The following ZNF536 variants were observed in gnomAD, a reference collection of about 807,000 sequenced individuals.
ZNF536 encodes zinc finger protein 536.
ZNF536 carries 13 observed loss-of-function variants against 84.5 expected under a neutral mutation model. The ratio of observed to expected loss-of-function variants is 0.15; its 90% confidence interval spans 0.10 to 0.24. ZNF536 has a LOEUF of 0.24. Among genes scored for constraint, ZNF536 ranks in the 10% least tolerant of loss-of-function variants. The probability of loss-of-function intolerance (pLI) is 1.00; values close to 1 mark genes in which losing one functional copy is unlikely to be tolerated. For missense variants in ZNF536, 1,536 were observed against 1,747.5 expected, an observed-to-expected ratio of 0.88 and a Z score of 2.16; for synonymous variants, 811 against 742.5, an observed-to-expected ratio of 1.09 and a Z score of -1.50.
chr19:30,537,905 A>G (rs1260150793), intron 3 of ZNF536, among the ~76,000 whole-genome samples: 6 of 152,254 alleles, frequency 3.9e-5, no homozygotes, highest in Admixed American at 3.9e-4. Flanking sequence ...TGTAAAAGGC[A>G]GAATGGTAAC....
At chr19:30,287,414 G>C (rs1311799483) in intron 2 of ZNF536, among the ~76,000 whole-genome samples, 1 of 151,564 alleles carries the variant, frequency 6.6e-6, no homozygotes, top group Non-Finnish European at 1.5e-5. Flanking sequence ...TGGATGGATG[G>C]ATAGATGAAT....
At chr19:30,294,720 C>G (rs191071997) in intron 2 of ZNF536, among the ~76,000 whole-genome samples, 2 of 152,140 alleles carry the variant, frequency 1.3e-5, no homozygotes, top group Non-Finnish European at 2.9e-5. Context: ...TGGAAGTTTG[C>G]GGAATTCTTA....
intron 1 of ZNF536, among the ~76,000 whole-genome samples, chr19:30,707,229 G>A (rs911037268): frequency 6.6e-6 from 1 of 152,164 alleles, no homozygotes. Flanking sequence ...ATTAAGGTAC[G>A]GAGAATGGGT....
At position 30,444,473 on chromosome 19, in the gene ZNF536, T is replaced by G; in HGVS notation, c.911T>G (p.Leu304Trp). The change falls in exon 2 of 5, where the codon TTG becomes TGG. Residue 304 changes from leucine to tryptophan, a missense_variant. Physicochemically the swap from Leu to Trp is moderately conservative, Grantham distance 61 (BLOSUM62 -2). Around this residue, in one of 8 missense-constraint regions of ZNF536, gnomAD observed 61 missense variants for 104.0 expected, o/e 0.59. Transcript: ENST00000355537. Reference sequence around the variant, plus strand: ...TTGCACAAGCCCTACAAGTGCACGTTGTGCGACTTCGCGGCTTCGCAGGAG... The same window carrying G: ...TTGCACAAGCCCTACAAGTGCACGTGGTGCGACTTCGCGGCTTCGCAGGAG... ...RILHKPYKCT[L>W]CDFAASQEEE... 1 of 1,610,958 alleles carries G rather than the reference T, an allele frequency of 6.2e-7. No homozygotes were observed. The highest frequency in any genetic ancestry group is 8.5e-7 in the Non-Finnish European group (1 of 1,179,882).
intron 1 of ZNF536, among the ~76,000 whole-genome samples, chr19:30,437,041 G>T (rs1301344740): frequency 6.6e-6 from 1 of 152,136 alleles, no homozygotes; most frequent in East Asian, 1.9e-4. Context: ...CAGTGCAAAT[G>T]GTTATTTTGA....
chr19:30,448,648 A>T (rs535463579), intron 2 of ZNF536, among the ~76,000 whole-genome samples: 45 of 152,350 alleles, frequency 3.0e-4, no homozygotes, highest in African/African-American at 1.0e-3. Flanking sequence ...TCAGATCTTA[A>T]CCAATGAATT....
intron 1 of ZNF536, among the ~76,000 whole-genome samples, chr19:30,693,650 C>T (rs982798925): frequency 1.3e-5 from 2 of 152,034 alleles, no homozygotes; most frequent in Middle Eastern, 3.2e-3. Context: ...TGCCACGTGA[C>T]ATTAGTGGCG....
chr19:30,448,785 G>A (rs1403760680), intron 2 of ZNF536, among the ~76,000 whole-genome samples: 1 of 152,204 alleles, frequency 6.6e-6, no homozygotes, highest in Non-Finnish European at 1.5e-5. Flanking sequence ...GACGTCCTTT[G>A]TTATCTGATG....
intron 1 of ZNF536, among the ~76,000 whole-genome samples, chr19:30,659,829 G>C (rs893251576): frequency 6.7e-6 from 1 of 150,012 alleles, no homozygotes; most frequent in Non-Finnish European, 1.5e-5. Context: ...TGAGATTTGG[G>C]TGGGGACACA....
At chr19:30,454,515 T>G (rs1336111599) in intron 2 of ZNF536, among the ~76,000 whole-genome samples, 1 of 152,260 alleles carries the variant, frequency 6.6e-6, no homozygotes. Context: ...TATTGCTAAA[T>G]ATGTATATTT....
At chr19:30,608,698 C>T (rs907940770) in intron 1 of ZNF536, among the ~76,000 whole-genome samples, 1 of 152,154 alleles carries the variant, frequency 6.6e-6, no homozygotes, top group African/African-American at 2.4e-5. Flanking sequence ...GAGTCTCGAT[C>T]ACATAGTTCT....
At chr19:30,447,424 C>G (rs961865439) in intron 2 of ZNF536, among the ~76,000 whole-genome samples, 4 of 152,178 alleles carry the variant, frequency 2.6e-5, no homozygotes, top group African/African-American at 9.7e-5. Flanking sequence ...CTGCACATTC[C>G]AGAGATTCCG....
At chr19:30,462,926 G>T (rs1384561568) in intron 2 of ZNF536, among the ~76,000 whole-genome samples, 2 of 145,956 alleles carry the variant, frequency 1.4e-5, no homozygotes, top group Non-Finnish European at 3.1e-5. Flanking sequence ...GTGTTGTGTG[G>T]ATAAGGATGT....
chr19:30,408,529 G>C (rs1347926449), intron 1 of ZNF536, among the ~76,000 whole-genome samples: 1 of 152,158 alleles, frequency 6.6e-6, no homozygotes, highest in East Asian at 1.9e-4. Flanking sequence ...CAATCTTCTT[G>C]ACCTCTGGTG....
At chr19:30,645,326 C>G (rs1187935138) in intron 1 of ZNF536, among the ~76,000 whole-genome samples, 1 of 152,160 alleles carries the variant, frequency 6.6e-6, no homozygotes, top group Non-Finnish European at 1.5e-5. Flanking sequence ...GTTGCCTGTT[C>G]ACTCTGATGG....
chr19:30,365,860 C>T (rs1369465861), intron 3 of ZNF536, among the ~76,000 whole-genome samples: 1 of 152,220 alleles, frequency 6.6e-6, no homozygotes, highest in Non-Finnish European at 1.5e-5. Flanking sequence ...GCTACGAAAT[C>T]TCTGGTTGAA....
At chr19:30,653,432 T>C (rs984045154) in intron 1 of ZNF536, among the ~76,000 whole-genome samples, 2 of 152,234 alleles carry the variant, frequency 1.3e-5, no homozygotes, top group African/African-American at 2.4e-5. Flanking sequence ...AGTGGCCTGA[T>C]GGCTGGAGCC....
At chr19:30,452,087 C>A (rs1413073306) in intron 2 of ZNF536, among the ~76,000 whole-genome samples, 2 of 152,146 alleles carry the variant, frequency 1.3e-5, no homozygotes, top group Non-Finnish European at 2.9e-5. Context: ...CACAAGGTGT[C>A]CCTTGATTGA....
At chr19:30,466,280 G>A (rs2053387409) in intron 2 of ZNF536, among the ~76,000 whole-genome samples, 1 of 151,442 alleles carries the variant, frequency 6.6e-6, no homozygotes, top group Non-Finnish European at 1.5e-5. Context: ...CATGGCTCAC[G>A]TCTGTAATCC....
Sources: gnomAD v4.1 joint callset for allele counts (sites outside exome capture counted in the v4.1 genomes callset) on GRCh38, gnomAD v4.1.1 for gene constraint, gnomAD v4.1.1 regional missense constraint, MANE v1.5 for transcripts, NCBI Gene and HGNC (gene_info 2026-07-23, HGNC 2026-07-21) for gene names.